Variants in FBN1 observed in about 807,000 individuals in gnomAD.
FBN1 encodes the protein fibrillin 1.
A neutral mutation model predicts 365.1 loss-of-function variants in FBN1; 29 were observed. That is an observed-to-expected ratio of 0.08 (90% confidence interval 0.06 to 0.11). The LOEUF is 0.11. Ranked by LOEUF, FBN1 falls within the 10% of genes least tolerant of loss-of-function variation. The pLI is 1.00. For missense variants in FBN1, 2,476 were observed against 3,703.2 expected, an observed-to-expected ratio of 0.67 and a Z score of 8.60; for synonymous variants, 1,210 against 1,270.5, an observed-to-expected ratio of 0.95 and a Z score of 1.01.
chr15:48,592,156 A>G (rs893124086), intron 6 of FBN1, among the ~76,000 whole-genome samples: 5 of 152,098 alleles, frequency 3.3e-5, no homozygotes, highest in Non-Finnish European at 7.4e-5. Flanking sequence ...ACAATTGCCA[A>G]GTTATTTCTT....
At chr15:48,536,995 A>G (rs1195786390) in intron 7 of FBN1, among the ~76,000 whole-genome samples, 5 of 152,218 alleles carry the variant, frequency 3.3e-5, no homozygotes, top group African/African-American at 1.2e-4. Context: ...CCAGACATCC[A>G]GACAATAAAA....
chr15:48,633,271 CAAGAATTT>C (rs1038596060), intron 2 of FBN1, among the ~76,000 whole-genome samples: 1 of 152,284 alleles, frequency 6.6e-6, no homozygotes, highest in Admixed American at 6.5e-5. Flanking sequence ...GAGGAAAACA[CAAGAATTT>C]AAGAATTTTT....
intron 34 of FBN1, among the ~76,000 whole-genome samples, chr15:48,473,320 T>C (rs548334908): frequency 6.6e-6 from 1 of 152,226 alleles, no homozygotes; most frequent in Non-Finnish European, 1.5e-5. Context: ...TAAATGACTT[T>C]TTATGAACAA....
Position 48,460,216 on chromosome 15 carries a change from G to C in FBN1, c.5296+30C>G, listed in dbSNP as rs376649307. On this transcript the variant is annotated intron_variant, in intron 43 of 65. Coordinates refer to ENST00000316623, the MANE Select transcript of FBN1 (RefSeq NM_000138.5). The stretch of plus-strand genomic sequence containing the variant: ...ATGCTAACACAAAGGCAAAAAACCA[G>C]AAAGTTCTGACAATGCCGTCATGAC... 3.8e-6 allele frequency: 6 copies of C among 1,582,664 alleles called. No individual in the cohort carries two copies. In the African/African-American group the frequency reaches 8.1e-5, roughly 21 times the overall value.
chr15:48,559,119 A>G (rs1309633059), intron 6 of FBN1, among the ~76,000 whole-genome samples: 1 of 152,234 alleles, frequency 6.6e-6, no homozygotes, highest in Admixed American at 6.5e-5. Flanking sequence ...ATCAGCTGCT[A>G]CTAAAAGTTA....
rs759240424 is a variant in FBN1, at chr15:48,495,095, T to A, written c.2677+28A>T. 2.5e-6 allele frequency: 4 copies of A among 1,613,630 alleles called. No homozygotes were observed. In the African/African-American group the frequency reaches 4.0e-5, roughly 16 times the overall value. ...TTATGCAAAGACCATTGGAGTGGTA[T>A]AGGAACCACAGCATGGGTTTCTCTT... On this transcript the variant is annotated intron_variant, in intron 22 of 65. Coordinates refer to ENST00000316623, the MANE Select transcript of FBN1 (RefSeq NM_000138.5).
intron 23 of FBN1, among the ~76,000 whole-genome samples, chr15:48,493,747 C>T (rs1192438209): frequency 6.6e-6 from 1 of 152,196 alleles, no homozygotes; most frequent in Non-Finnish European, 1.5e-5. Context: ...CTATCTGAAA[C>T]TCCAGGAGAA....
intron 10 of FBN1, 146 bp downstream of exon 10, chr15:48,520,513 G>C: frequency 2.2e-6 from 2 of 923,830 alleles, no homozygotes; most frequent in Non-Finnish European, 3.2e-6. Context: ...GCATTTTCTA[G>C]GGAAATTTCC....
chr15:48,634,528 C>T (rs1288702271), intron 2 of FBN1, among the ~76,000 whole-genome samples: 3 of 152,086 alleles, frequency 2.0e-5, no homozygotes, highest in Non-Finnish European at 4.4e-5. Flanking sequence ...AGAACCTTCT[C>T]CCAGCTCTCT....
chr15:48,458,046 G>A (rs557928669), intron 43 of FBN1, among the ~76,000 whole-genome samples: 3 of 152,264 alleles, frequency 2.0e-5, no homozygotes, highest in East Asian at 1.9e-4. Flanking sequence ...CCCTTGGCTG[G>A]GTTTGATGAA....
intron 6 of FBN1, among the ~76,000 whole-genome samples, chr15:48,579,030 G>C (rs1190420416): frequency 2.1e-5 from 3 of 142,534 alleles, no homozygotes; most frequent in Non-Finnish European, 3.0e-5. Context: ...ATAAAAAAGG[G>C]GAAAAAAAAA....
At chr15:48,603,427 G>A (rs566190445) in intron 4 of FBN1, among the ~76,000 whole-genome samples, 3 of 152,330 alleles carry the variant, frequency 2.0e-5, no homozygotes, top group African/African-American at 7.2e-5. Context: ...CGATAAAGGT[G>A]GGAGCAGTCG....
rs373608756 is a variant in FBN1 at position 48,496,869 on chromosome 15, GT to G, written c.2293+396del. 2.6e-5 allele frequency among the ~76,000 whole-genome samples: 4 copies of G among 152,226 alleles called. No homozygotes were observed. The East Asian group carries it at 7.7e-4, about 29-fold the overall frequency. ...GCAGGTATTCCTGAAAATAAGCTGT[GT>G]TTTTTTCTGATTAAGTCTAATAAAT... On this transcript the variant is annotated intron_variant, in intron 19 of 65. Coordinates refer to ENST00000316623, the MANE Select transcript of FBN1 (RefSeq NM_000138.5).
Position 48,505,158 on chromosome 15 carries a change from G to C in FBN1, c.1838-11C>G. The stretch of plus-strand genomic sequence containing the variant: ...CACACTCGTTAATGTCTGTGGCAGA[G>C]AAAGGCACTTATTAAAAATGAAGTG... On this transcript the variant is annotated splice_polypyrimidine_tract_variant and intron_variant, in intron 15 of 65. Coordinates refer to ENST00000316623, the MANE Select transcript of FBN1 (RefSeq NM_000138.5). The C allele has an allele frequency of 1.9e-6, 3 of 1,614,092 alleles. No homozygotes were observed. The highest frequency in any genetic ancestry group is 1.7e-6 in the Non-Finnish European group (2 of 1,179,958).
chr15:48,534,186 G>A lies in FBN1; in HGVS notation c.756C>T (p.Ala252=), dbSNP rs1398534692. 1.2e-6 allele frequency: 2 copies of A among 1,613,280 alleles called. No homozygotes were observed. Among genetic ancestry groups the A allele is most frequent in the Non-Finnish European group, 1.7e-6 (2 of 1,179,848 alleles). Residue 252 remains alanine (A), a synonymous_variant, in exon 8 of 66, where the codon GCC becomes GCT. Coordinates refer to ENST00000316623, the MANE Select transcript of FBN1 (RefSeq NM_000138.5). ...GACQDVDECQ[A]IPGLCQGGNC... ...TTCCTCCCTGACAGAGCCCGGGGAT[G>A]GCCTGGCATTCATCCACATCTGTCA...
intron 55 of FBN1, 50 bp from the exon 56 acceptor site, chr15:48,430,852 G>C (rs537859069): frequency 2.1e-5 from 33 of 1,583,174 alleles, no homozygotes; most frequent in Admixed American, 6.7e-5. Flanking sequence ...GCATATATCT[G>C]CCTTAATTAC....
At chr15:48,534,014 G>A in intron 8 of FBN1, 66 bp downstream of exon 8, 1 of 1,602,856 alleles carries the variant, frequency 6.2e-7, no homozygotes. Context: ...AAACAAGCTT[G>A]TTTCTAATGT....
intron 49 of FBN1, among the ~76,000 whole-genome samples, chr15:48,442,870 C>T (rs959999205): frequency 6.6e-6 from 1 of 152,116 alleles, no homozygotes; most frequent in Non-Finnish European, 1.5e-5. Flanking sequence ...TATGAGAATA[C>T]TTTTTTATTT....
chr15:48,456,986 G>C (rs1355066435), intron 43 of FBN1, among the ~76,000 whole-genome samples: 4 of 151,990 alleles, frequency 2.6e-5, no homozygotes, highest in African/African-American at 9.7e-5. Flanking sequence ...ATATGTTCTG[G>C]GTTTTGCTTC....
Sources: gnomAD v4.1 joint callset for allele counts (sites outside exome capture counted in the v4.1 genomes callset) on GRCh38, gnomAD v4.1.1 for gene constraint, MANE v1.5 for transcripts, NCBI Gene and HGNC (gene_info 2026-07-23, HGNC 2026-07-21) for gene names.